ITPR2: variants seen among roughly 807,000 people sequenced by gnomAD.
ITPR2 encodes the protein inositol 1,4,5-trisphosphate-gated calcium channel ITPR2.
ITPR2 carries 207 observed loss-of-function variants against 317.1 expected under a neutral mutation model. The observed-to-expected ratio is 0.65, with a 90% CI of 0.58 to 0.73. ITPR2 has a LOEUF of 0.73. Ranked by LOEUF, ITPR2 falls within the 30% of genes least tolerant of loss-of-function variation. The pLI is 0.00. For missense variants in ITPR2, 2,613 were observed against 3,284.0 expected, an observed-to-expected ratio of 0.80 and a Z score of 4.99; for synonymous variants, 1,156 against 1,149.1, an observed-to-expected ratio of 1.01 and a Z score of -0.12.
intron 55 of ITPR2, among the ~76,000 whole-genome samples, chr12:26,385,495 C>A (rs918097116): frequency 6.6e-6 from 1 of 152,172 alleles, no homozygotes; most frequent in South Asian, 2.1e-4. Context: ...CCAGCCTGCA[C>A]ACTGCTGCCT....
chr12:26,777,673 G>A (rs60445740), intron 2 of ITPR2, among the ~76,000 whole-genome samples: 5,587 of 147,820 alleles, frequency 0.038, 330 homozygotes, highest in African/African-American at 0.13. Flanking sequence ...AGGTCGAATG[G>A]ACAAAAGACT....
In ITPR2 at chr12:26,805,368, T is replaced by C. The variant is rs78253280; in HGVS notation, c.93-15141A>G. Among the ~76,000 whole-genome samples, 427 of 152,342 alleles carry C rather than the reference T, an allele frequency of 2.8e-3. 6 individuals carry two copies. The East Asian group carries it at 0.062, about 22-fold the overall frequency. On this transcript the variant is annotated intron_variant, in intron 1 of 56. Coordinates refer to ENST00000381340, the MANE Select transcript of ITPR2 (RefSeq NM_002223.4). ...CAATAAAGGTTAGCCATCATTATCA[T>C]CATTATTAATGTTATTTATTCAACA... is the stretch of plus-strand genomic sequence containing the variant.
At chr12:26,435,533 A>T (rs562021812) in intron 48 of ITPR2, among the ~76,000 whole-genome samples, 4 of 152,234 alleles carry the variant, frequency 2.6e-5, no homozygotes, top group African/African-American at 9.6e-5. Context: ...CATACTTCCC[A>T]TGCTCTCCAC....
rs776814179 is a variant in ITPR2 at position 26,655,697 on chromosome 12, G to A, written c.2589+11C>T. On this transcript the variant is annotated intron_variant, in intron 20 of 56. Transcript: ENST00000381340. ...TACCAAAACATCCTAAATATTAGAG[G>A]GACAAAGTACCTCAAATGTCAGTTT... The A allele has an allele frequency of 1.2e-6, 2 of 1,609,898 alleles. No homozygotes were observed. Among genetic ancestry groups the A allele is most frequent in the African/African-American group, 1.3e-5 (1 of 74,536 alleles).
In ITPR2 at chr12:26,795,998, A is replaced by AG. The variant is rs1565772687; in HGVS notation, c.93-5772_93-5771insC. On this transcript the variant is annotated intron_variant, in intron 1 of 56. Transcript: ENST00000381340. ...GACTCTGTTTCCAAAAACAAAAAAA[A>AG]AGGGGGGGGGGGCAACACACAAAAT... Among the ~76,000 whole-genome samples the AG allele has an allele frequency of 3.0e-4, 39 of 130,976 alleles. No individual in the cohort carries two copies. The East Asian group carries it at 7.0e-3, about 24-fold the overall frequency. 85.9% of individuals were successfully genotyped at this position (130,976 alleles called of 152,430 possible).
chr12:26,374,426 G>A (rs527329703), intron 55 of ITPR2, among the ~76,000 whole-genome samples: 6 of 152,322 alleles, frequency 3.9e-5, no homozygotes, highest in Admixed American at 3.3e-4. Flanking sequence ...TAGGTGCTAT[G>A]TATTTATTGA....
intron 37 of ITPR2, among the ~76,000 whole-genome samples, chr12:26,507,849 TTC>T (rs765290686): frequency 2.4e-4 from 28 of 115,536 alleles, no homozygotes; most frequent in South Asian, 1.2e-3. Context: ...CTCTCTACTC[TTC>T]TCTCTCTGTC....
At chr12:26,416,378 A>G (rs1940719640) in intron 50 of ITPR2, among the ~76,000 whole-genome samples, 1 of 152,200 alleles carries the variant, frequency 6.6e-6, no homozygotes, top group African/African-American at 2.4e-5. Context: ...TCACTTTTAG[A>G]AAGGTATAAA....
intron 3 of ITPR2, 75 bp downstream of exon 3, chr12:26,725,575 G>C (rs1747008721): frequency 2.1e-6 from 2 of 972,714 alleles, no homozygotes; most frequent in African/African-American, 3.2e-5. Flanking sequence ...GACAAAGCTA[G>C]AAAGCTCTAA....
chr12:26,628,284 T>A, intron 22 of ITPR2, 122 bp from the exon 23 acceptor site: 2 of 633,424 alleles, frequency 3.2e-6, no homozygotes, highest in Non-Finnish European at 5.2e-6. Flanking sequence ...TTAGAAGCTT[T>A]TAACACCAGT....
intron 13 of ITPR2, among the ~76,000 whole-genome samples, chr12:26,680,753 C>T (rs889274520): frequency 8.5e-5 from 13 of 152,118 alleles, no homozygotes; most frequent in Admixed American, 7.9e-4. Context: ...TAATTTTCAT[C>T]CTCTATTCAA....
chr12:26,606,487 T>A (rs2136759499), intron 26 of ITPR2, among the ~76,000 whole-genome samples: 1 of 149,668 alleles, frequency 6.7e-6, no homozygotes, highest in East Asian at 1.9e-4. Context: ...TTGGGTGGCA[T>A]CAGGGTTCTA....
In ITPR2 at chr12:26,395,982, C is replaced by T. The variant is rs138123619; in HGVS notation, c.7696+2894G>A. On this transcript the variant is annotated intron_variant, in intron 54 of 56. Transcript: ENST00000381340. ...TGAAAAGAAATACCTAAGTGAAAAG[C>T]CAGACATGTAGTAAGTATTCAATAA... Among the ~76,000 whole-genome samples, 55 of 152,002 alleles carry T rather than the reference C, an allele frequency of 3.6e-4. 1 individual carries two copies. The highest frequency in any genetic ancestry group is 1.2e-3 in the African/African-American group (50 of 41,442).
chr12:26,528,695 A>T (rs1943870883), intron 37 of ITPR2, among the ~76,000 whole-genome samples: 1 of 152,158 alleles, frequency 6.6e-6, no homozygotes, highest in African/African-American at 2.4e-5. Flanking sequence ...GCAAAGGGGG[A>T]CATGTTTCTC....
intron 5 of ITPR2, chr12:26,721,250 C>T (rs1948834836): frequency 4.0e-6 from 2 of 503,438 alleles, no homozygotes; most frequent in East Asian, 3.1e-5. Flanking sequence ...TAAAGTGCAT[C>T]ACATTCCTGC....
At chr12:26,521,141 T>G (rs923864055) in intron 37 of ITPR2, among the ~76,000 whole-genome samples, 4 of 152,136 alleles carry the variant, frequency 2.6e-5, no homozygotes, top group Non-Finnish European at 5.9e-5. Flanking sequence ...ATTTATTTTA[T>G]TACCTGAAGA....
intron 1 of ITPR2, among the ~76,000 whole-genome samples, chr12:26,817,211 C>T (rs1309221860): frequency 7.7e-5 from 10 of 129,306 alleles, no homozygotes; most frequent in South Asian, 2.5e-4. Context: ...AAGGGCAGTA[C>T]GAACAAAGCA....
At chr12:26,805,420 T>C (rs1158172345) in intron 1 of ITPR2, among the ~76,000 whole-genome samples, 2 of 152,252 alleles carry the variant, frequency 1.3e-5, no homozygotes, top group Non-Finnish European at 2.9e-5. Flanking sequence ...TACTCAGTAA[T>C]GATTGGCTAT....
intron 37 of ITPR2, among the ~76,000 whole-genome samples, chr12:26,526,759 C>T (rs1248196604): frequency 1.3e-5 from 2 of 152,190 alleles, no homozygotes; most frequent in South Asian, 2.1e-4. Flanking sequence ...GGTGGCAGGG[C>T]AGATAGGCAG....
Sources: gnomAD v4.1 joint callset for allele counts (sites outside exome capture counted in the v4.1 genomes callset) on GRCh38, gnomAD v4.1.1 for gene constraint, MANE v1.5 for transcripts, NCBI Gene and HGNC (gene_info 2026-07-23, HGNC 2026-07-21) for gene names.